Variants in ESR1 observed in about 807,000 individuals in gnomAD.
ESR1 encodes the protein estrogen receptor 1.
Under a neutral mutation model 52.7 loss-of-function variants are expected in ESR1, and 12 were observed. The observed-to-expected ratio is 0.23, with a 90% CI of 0.15 to 0.37. The LOEUF (loss-of-function observed/expected upper bound fraction) is 0.37, where lower values mean the gene tolerates loss of function less well. ESR1 is among the 10% of genes least tolerant of loss of function. ESR1 has a pLI of 1.00. For synonymous variants in ESR1, 305 were observed against 316.8 expected (o/e 0.96, Z 0.39); for missense variants, 584 against 779.7 (o/e 0.75, Z 2.99).
intron 6 of ESR1, among the ~76,000 whole-genome samples, chr6:152,120,374 CAGCCTCTCCAGA>C (rs1263912911): frequency 6.6e-6 from 1 of 152,184 alleles, no homozygotes; most frequent in Non-Finnish European, 1.5e-5. Flanking sequence ...CCGCTGCTCA[CAGCCTCTCCAGA>C]AGCGGGAAGA....
chr6:151,902,024 G>GA (rs1390521046), intron 3 of ESR1, among the ~76,000 whole-genome samples: 3 of 152,064 alleles, frequency 2.0e-5, no homozygotes, highest in Non-Finnish European at 4.4e-5. Flanking sequence ...GTTTTATTTT[G>GA]AAAATTTTAC....
rs142817961 is a variant in ESR1 at position 151,959,943 on chromosome 6, G to A, written c.1096+15435G>A. 2.0e-3 allele frequency among the ~76,000 whole-genome samples: 297 copies of A among 152,276 alleles called. 2 individuals are homozygous for A. The highest frequency in any genetic ancestry group is 2.1e-3 in the South Asian group (10 of 4,822). On this transcript the variant is annotated intron_variant, in intron 4 of 7. Transcript: ENST00000206249. ...TATGTTTTACACATGTATGTACTAT[G>A]TGTTCAAGTGTTTATAAATCCATGG... is the stretch of plus-strand genomic sequence containing the variant.
intron 5 of ESR1, among the ~76,000 whole-genome samples, chr6:152,044,785 G>A (rs2046092923): frequency 6.6e-6 from 1 of 152,130 alleles, no homozygotes; most frequent in South Asian, 2.1e-4. Context: ...TGATTAGATG[G>A]TGCCCACCCA....
chr6:151,763,690 C>T (rs530346066), intron 2 of ESR1, among the ~76,000 whole-genome samples: 1 of 152,256 alleles, frequency 6.6e-6, no homozygotes, highest in Admixed American at 6.5e-5. Context: ...GAGTGTATTC[C>T]TGGAAGAAGG....
chr6:152,075,268 ATTTGTTTT>A (rs1562756898), intron 6 of ESR1, among the ~76,000 whole-genome samples: 7 of 151,982 alleles, frequency 4.6e-5, no homozygotes, highest in Non-Finnish European at 1.0e-4. Context: ...TCACCTTTTT[ATTTGTTTT>A]AAAAGGGGTT....
intron 4 of ESR1, among the ~76,000 whole-genome samples, chr6:151,980,910 G>C (rs1378106852): frequency 2.0e-5 from 3 of 152,126 alleles, no homozygotes; most frequent in Non-Finnish European, 4.4e-5. Context: ...CAGCATATTG[G>C]CCAGGCTGGT....
chr6:152,020,476 G>C (rs1345489743), intron 5 of ESR1, among the ~76,000 whole-genome samples: 1 of 152,080 alleles, frequency 6.6e-6, no homozygotes, highest in Non-Finnish European at 1.5e-5. Flanking sequence ...TTTGAGACAG[G>C]ATCTTGCTCT....
At chr6:152,095,309 G>A (rs1314273728) in intron 7 of ESR1, among the ~76,000 whole-genome samples, 8 of 152,126 alleles carry the variant, frequency 5.3e-5, no homozygotes, top group Admixed American at 1.3e-4. Context: ...ACTTCCTCAT[G>A]TCTGAGCTCT....
intron 2 of ESR1, among the ~76,000 whole-genome samples, chr6:151,769,982 C>T (rs986024353): frequency 3.3e-5 from 5 of 150,226 alleles, no homozygotes; most frequent in African/African-American, 9.8e-5. Context: ...GAGCCAAGAT[C>T]GCACCACTGC....
chr6:151,969,402 A>G (rs553845560), intron 4 of ESR1, among the ~76,000 whole-genome samples: 13 of 152,184 alleles, frequency 8.5e-5, no homozygotes, highest in Non-Finnish European at 1.3e-4. Flanking sequence ...GGAGTTCTAT[A>G]TTCCATTTTT....
Position 151,807,944 on chromosome 6 carries a change from G to T in ESR1, c.32G>T (p.Gly11Val). Residue 11 changes from glycine (G) to valine (V), a missense_variant, in exon 1 of 8, where the codon GGG (glycine) becomes GTG (valine). Transcript: ENST00000206249. The stretch of plus-strand genomic sequence containing the variant: ...ATGACCCTCCACACCAAAGCATCTG[G>T]GATGGCCCTACTGCATCAGATCCAA... MTMTLHTKAS[G>V]MALLHQIQGN... 6.2e-7 allele frequency: 1 copy of T among 1,613,954 alleles called. No homozygotes were observed. The highest frequency in any genetic ancestry group is 1.1e-5 in the South Asian group (1 of 91,068).
chr6:152,066,021 A>G (rs1407284502), intron 6 of ESR1, among the ~76,000 whole-genome samples: 2 of 152,234 alleles, frequency 1.3e-5, no homozygotes, highest in Non-Finnish European at 2.9e-5. Flanking sequence ...AAAAGGGACT[A>G]TGGAATGTCA....
chr6:151,783,379 G>C (rs1433180244), intron 2 of ESR1, among the ~76,000 whole-genome samples: 1 of 152,174 alleles, frequency 6.6e-6, no homozygotes, highest in Admixed American at 6.5e-5. Context: ...AGTTCCATTG[G>C]TACATGCAGG....
intron 6 of ESR1, among the ~76,000 whole-genome samples, chr6:152,121,527 TCC>T (rs2152518380): frequency 6.6e-6 from 1 of 152,320 alleles, no homozygotes; most frequent in African/African-American, 2.4e-5. Flanking sequence ...TATGTCTAAA[TCC>T]ATGCTGCCTC....
At chr6:151,798,229 C>A (rs1484502452) in intron 2 of ESR1, among the ~76,000 whole-genome samples, 1 of 151,792 alleles carries the variant, frequency 6.6e-6, no homozygotes, top group Non-Finnish European at 1.5e-5. Context: ...GATTAGAATT[C>A]TGGGTCTCAT....
At chr6:152,064,109 T>C (rs997480337) in intron 6 of ESR1, among the ~76,000 whole-genome samples, 1 of 152,234 alleles carries the variant, frequency 6.6e-6, no homozygotes, top group Non-Finnish European at 1.5e-5. Context: ...GAATCATCCA[T>C]AGGACACACG....
chr6:152,019,299 T>G lies in ESR1; in HGVS notation c.1235+7505T>G, dbSNP rs116343915. ...CAGGCACACACGTACACACACATATTGGAATTCCAGGAAAAGTCACTTTGA... is the reference window on the plus strand; with the variant it reads ...CAGGCACACACGTACACACACATATGGGAATTCCAGGAAAAGTCACTTTGA... On this transcript the variant is annotated intron_variant, in intron 5 of 7. Coordinates refer to ENST00000206249, the MANE Select transcript of ESR1 (RefSeq NM_000125.4). Among the ~76,000 whole-genome samples the G allele has an allele frequency of 8.3e-3, 1,264 of 152,310 alleles. 17 individuals carry two copies. Among genetic ancestry groups the G allele is most frequent in the African/African-American group, 0.029 (1,188 of 41,566 alleles).
At chr6:152,048,940 C>T (rs913872408) in intron 5 of ESR1, among the ~76,000 whole-genome samples, 3 of 152,260 alleles carry the variant, frequency 2.0e-5, no homozygotes, top group East Asian at 1.9e-4. Context: ...TTCATAATTG[C>T]TGTGTCTGTG....
intron 5 of ESR1, among the ~76,000 whole-genome samples, chr6:152,026,196 A>T (rs1376250977): frequency 1.3e-5 from 2 of 152,062 alleles, no homozygotes; most frequent in Non-Finnish European, 2.9e-5. Context: ...TAGAAGGTAA[A>T]ATATTAGCTA....
Sources: gnomAD v4.1 joint callset for allele counts (sites outside exome capture counted in the v4.1 genomes callset) on GRCh38, gnomAD v4.1.1 for gene constraint, MANE v1.5 for transcripts, NCBI Gene and HGNC (gene_info 2026-07-23, HGNC 2026-07-21) for gene names.